The following SGO2 variants were observed in gnomAD, a reference collection of about 807,000 sequenced individuals.
The protein encoded by SGO2 is shugoshin-like 2.
SGO2 carries 68 observed loss-of-function variants against 99.5 expected under a neutral mutation model. The ratio of observed to expected loss-of-function variants is 0.68; its 90% CI spans 0.56 to 0.84. The LOEUF is 0.84. Ranked by LOEUF, SGO2 falls within the 40% of genes least tolerant of loss-of-function variation. SGO2 has a pLI of 0.00. For synonymous variants in SGO2, 457 were observed against 487.1 expected, an observed-to-expected ratio of 0.94 and a Z score of 0.81; for missense variants, 1,350 against 1,436.7, an observed-to-expected ratio of 0.94 and a Z score of 0.97.
chr2:200,579,843 G>A (rs189716348), intron 8 of SGO2, among the ~76,000 whole-genome samples: 1 of 152,072 alleles, frequency 6.6e-6, no homozygotes, highest in Non-Finnish European at 1.5e-5. Flanking sequence ...GTCTTTATCT[G>A]GCCTAGGTAT....
At chr2:200,536,243 T>C (rs1328272353) in intron 4 of SGO2, 101 bp downstream of exon 4, 4 of 673,328 alleles carry the variant, frequency 5.9e-6, no homozygotes, top group East Asian at 2.7e-5. Flanking sequence ...ATTTCAAGTT[T>C]TGTGCAAAGG....
rs755196768 is a variant in SGO2, at chr2:200,533,053, A to G, written c.78A>G (p.Ser26=). The G allele has an allele frequency of 6.2e-7, 1 of 1,604,548 alleles. No individual in the cohort carries two copies. Among genetic ancestry groups the G allele is most frequent in the East Asian group, 2.2e-5 (1 of 44,722 alleles). ...IKRHLKDKRI[S]KTTKLNVSLA... Reference sequence around the variant, plus strand: ...GACATTTGAAAGACAAAAGAATTTCAAAGACTACTAAGTTGAATGTTTCTC... The same window carrying G: ...GACATTTGAAAGACAAAAGAATTTCGAAGACTACTAAGTTGAATGTTTCTC... The change falls in exon 2 of 9, where the codon TCA becomes TCG. Residue 26 remains serine (S), a synonymous_variant. Transcript: ENST00000357799.
chr2:200,535,937 T>A, intron 3 of SGO2, 128 bp from the exon 4 acceptor site: 2 of 502,114 alleles, frequency 4.0e-6, no homozygotes, highest in East Asian at 6.1e-5. Flanking sequence ...GTGATCTCAA[T>A]TTTTAGCTCA....
In SGO2 at chr2:200,573,612, C is replaced by G; in HGVS notation, c.3266C>G (p.Ser1089Cys). The change falls in exon 7 of 9, where the codon TCT becomes TGT. Residue 1089 changes from serine (S) to cysteine (C), a missense_variant. Transcript: ENST00000357799. ...AAAAGGAAGACCTCCATAGATCCTT[C>G]TCCAGAGAGCCATGAAGTAATGGAA... ...SKKRKTSIDP[S>C]PESHEVMERI... 1 of 1,611,344 alleles carries G rather than the reference C, an allele frequency of 6.2e-7. No individual in the cohort carries two copies. Among genetic ancestry groups the G allele is most frequent in the Non-Finnish European group, 8.5e-7 (1 of 1,179,066 alleles).
At chr2:200,557,328 A>C (rs755884022) in intron 5 of SGO2, among the ~76,000 whole-genome samples, 28 of 152,062 alleles carry the variant, frequency 1.8e-4, no homozygotes, top group Non-Finnish European at 3.7e-4. Flanking sequence ...AGGAGAGACT[A>C]ACTCCCCTAA....
Position 200,573,396 on chromosome 2 carries a change from T to A in SGO2, c.3050T>A (p.Ile1017Asn). The A allele has an allele frequency of 6.2e-7, 1 of 1,602,916 alleles. No individual in the cohort carries two copies. The highest frequency in any genetic ancestry group is 8.5e-7 in the Non-Finnish European group (1 of 1,176,960). The change falls in exon 7 of 9, where the codon ATC (isoleucine) becomes AAC (asparagine). Residue 1017 changes from isoleucine (I) to asparagine (N), a missense_variant. Physicochemically the swap from Ile to Asn is moderately radical, Grantham distance 149. Coordinates refer to ENST00000357799, the MANE Select transcript of SGO2 (RefSeq NM_152524.6). Reference protein sequence around the residue: ...SQLTESSQTSISLESDLKHIT... With the variant: ...SQLTESSQTSNSLESDLKHIT... ...TTAACAGAATCTTCACAGACATCTATCTCCTTAGAATCTGATTTAAAACAT... is the reference window on the plus strand; with the variant it reads ...TTAACAGAATCTTCACAGACATCTAACTCCTTAGAATCTGATTTAAAACAT...
At chr2:200,540,741 C>T (rs1454843568) in intron 4 of SGO2, among the ~76,000 whole-genome samples, 1 of 152,160 alleles carries the variant, frequency 6.6e-6, no homozygotes, top group Non-Finnish European at 1.5e-5. Context: ...TCTTTTAAAA[C>T]ATTATTGGCT....
intron 8 of SGO2, among the ~76,000 whole-genome samples, chr2:200,581,677 A>G (rs930730103): frequency 2.6e-5 from 4 of 152,108 alleles, no homozygotes; most frequent in Non-Finnish European, 4.4e-5. Context: ...ACCATTTCCA[A>G]TCCAAAAAGA....
chr2:200,562,489 G>C (rs540007407), intron 5 of SGO2, among the ~76,000 whole-genome samples: 1 of 152,150 alleles, frequency 6.6e-6, no homozygotes, highest in Non-Finnish European at 1.5e-5. Context: ...GTCAGGTAGC[G>C]TGATGCCTCC....
At position 200,573,222 on chromosome 2, in the gene SGO2, A is replaced by G. The variant is rs568512317; in HGVS notation, c.2876A>G (p.Asn959Ser). The G allele has an allele frequency of 2.5e-6, 4 of 1,580,696 alleles. No homozygotes were observed. The highest frequency in any genetic ancestry group is 2.2e-5 in the East Asian group (1 of 44,610). Residue 959 changes from asparagine to serine, a missense_variant, in exon 7 of 9, where the codon AAT becomes AGT. Physicochemically the swap from Asn to Ser is conservative, Grantham distance 46. Coordinates refer to ENST00000357799, the MANE Select transcript of SGO2 (RefSeq NM_152524.6). The part of the protein sequence containing the change: ...KQKLECQDII[N>S]KHYMEVNSNE... ...AAACTTGAATGCCAAGACATTATCA[A>G]TAAACACTATATGGAAGTCAACAGT...
chr2:200,575,255 A>G (rs1426466338), intron 7 of SGO2, 56 bp from the exon 8 acceptor site: 4 of 1,132,630 alleles, frequency 3.5e-6, no homozygotes, highest in African/African-American at 1.6e-5. Flanking sequence ...GCTCATATCT[A>G]TTTGTATCTC....
At position 200,571,180 on chromosome 2, in the gene SGO2, A is replaced by T; in HGVS notation, c.834A>T (p.Ser278=). The T allele has an allele frequency of 6.2e-7, 1 of 1,613,750 alleles. No homozygotes were observed. Among genetic ancestry groups the T allele is most frequent in the Non-Finnish European group, 8.5e-7 (1 of 1,179,700 alleles). Residue 278 remains serine (S), a synonymous_variant, in exon 7 of 9, where the codon TCA becomes TCT. Coordinates refer to ENST00000357799, the MANE Select transcript of SGO2 (RefSeq NM_152524.6). The part of the protein sequence containing the change: ...SNVTERKKRG[S]SWESNNLSAD... The stretch of plus-strand genomic sequence containing the variant: ...TGACTGAAAGGAAGAAGCGTGGGTC[A>T]TCTTGGGAATCAAATAATCTTTCTG...
In SGO2 at chr2:200,571,253, C is replaced by A. The variant is rs377685111; in HGVS notation, c.907C>A (p.Pro303Thr). The A allele has an allele frequency of 2.2e-5, 36 of 1,613,160 alleles. No homozygotes were observed. The highest frequency in any genetic ancestry group is 2.7e-5 in the Non-Finnish European group (32 of 1,179,566). The change falls in exon 7 of 9, where the codon CCA becomes ACA. Residue 303 changes from proline (P) to threonine (T), a missense_variant. By Grantham distance (38) the Pro-to-Thr change is conservative. Coordinates refer to ENST00000357799, the MANE Select transcript of SGO2 (RefSeq NM_152524.6). Reference sequence around the variant, plus strand: ...TTTAGATAAACAACACATTTCAAGTCCAGAATTAAATTGCAATAATGAGAT... The same window carrying A: ...TTTAGATAAACAACACATTTCAAGTACAGAATTAAATTGCAATAATGAGAT... ...TVLDKQHISS[P>T]ELNCNNEING...
chr2:200,541,693 CG>C (rs1164997710), intron 4 of SGO2, among the ~76,000 whole-genome samples: 14 of 152,094 alleles, frequency 9.2e-5, no homozygotes, highest in African/African-American at 3.4e-4. Flanking sequence ...CATTGTTGGG[CG>C]GGGATGTGCT....
At chr2:200,540,185 A>G (rs1031887642) in intron 4 of SGO2, among the ~76,000 whole-genome samples, 1 of 152,062 alleles carries the variant, frequency 6.6e-6, no homozygotes, top group African/African-American at 2.4e-5. Context: ...TAATTCCAAC[A>G]TTTGTGTCAT....
chr2:200,544,495 T>C (rs1472562827), intron 5 of SGO2, among the ~76,000 whole-genome samples: 1 of 152,186 alleles, frequency 6.6e-6, no homozygotes, highest in Non-Finnish European at 1.5e-5. Flanking sequence ...TTGGCCAGGC[T>C]GATCTCCAAC....
At chr2:200,536,494 A>T (rs1411258176) in intron 4 of SGO2, among the ~76,000 whole-genome samples, 1 of 152,116 alleles carries the variant, frequency 6.6e-6, no homozygotes, top group Non-Finnish European at 1.5e-5. Flanking sequence ...AAAGATGGAC[A>T]CAATTGAAAA....
At chr2:200,533,581 A>C (rs1469000855) in intron 2 of SGO2, among the ~76,000 whole-genome samples, 1 of 151,544 alleles carries the variant, frequency 6.6e-6, no homozygotes, top group Non-Finnish European at 1.5e-5. Flanking sequence ...AATCTTATGA[A>C]GACACTGAGC....
intron 2 of SGO2, 163 bp downstream of exon 2, chr2:200,533,271 T>C (rs2031509113): frequency 1.0e-5 from 7 of 694,258 alleles, no homozygotes; most frequent in Non-Finnish European, 1.5e-5. Flanking sequence ...TCAACTCCTG[T>C]TAGTTGGGTG....
Sources: gnomAD v4.1 joint callset for allele counts (sites outside exome capture counted in the v4.1 genomes callset) on GRCh38, gnomAD v4.1.1 for gene constraint, MANE v1.5 for transcripts, NCBI Gene and HGNC (gene_info 2026-07-23, HGNC 2026-07-21) for gene names.